The following PLA2G4C variants were observed in gnomAD, a reference collection of about 807,000 sequenced individuals.
The protein encoded by PLA2G4C is cytosolic phospholipase A2 gamma.
A neutral mutation model predicts 73.8 loss-of-function variants in PLA2G4C; 64 were observed. The ratio of observed to expected loss-of-function variants is 0.87; its 90% CI spans 0.71 to 1.07. The LOEUF (loss-of-function observed/expected upper bound fraction) is 1.07, where lower values mean the gene tolerates loss of function less well. PLA2G4C is among the 50% of genes least tolerant of loss of function. PLA2G4C has a pLI of 0.00. For missense variants in PLA2G4C, 622 were observed against 665.4 expected (o/e 0.93, Z 0.72); for synonymous variants, 254 against 252.1 (o/e 1.01, Z -0.07).
At chr19:48,081,573 C>G (rs1416245290) in intron 10 of PLA2G4C, among the ~76,000 whole-genome samples, 1 of 151,392 alleles carries the variant, frequency 6.6e-6, no homozygotes, top group Non-Finnish European at 1.5e-5. Flanking sequence ...GTCTGAGCAA[C>G]ATGGAGAAAC....
rs113156901 is a variant in PLA2G4C at position 48,080,671 on chromosome 19, C to T, written c.845-2847G>A. Among the ~76,000 whole-genome samples the T allele has an allele frequency of 5.3e-5, 8 of 151,836 alleles. 1 individual carries two copies. The highest frequency in any genetic ancestry group is 3.9e-4 in the East Asian group (2 of 5,148). On this transcript the variant is annotated intron_variant, in intron 10 of 16. Coordinates refer to ENST00000599921, the MANE Select transcript of PLA2G4C (RefSeq NM_003706.3). ...TAAAAATACAAAAATTAGCTGGATGCGGTGGTGCACATCTGTAGTCCCAGC... is the reference window on the plus strand; with the variant it reads ...TAAAAATACAAAAATTAGCTGGATGTGGTGGTGCACATCTGTAGTCCCAGC...
intron 10 of PLA2G4C, among the ~76,000 whole-genome samples, chr19:48,082,402 C>A (rs573695730): frequency 6.6e-6 from 1 of 151,448 alleles, no homozygotes; most frequent in Non-Finnish European, 1.5e-5. Context: ...TGATACACGT[C>A]GGTTAGGTCA....
intron 14 of PLA2G4C, among the ~76,000 whole-genome samples, chr19:48,058,594 G>A (rs1968050172): frequency 6.6e-6 from 1 of 152,100 alleles, no homozygotes; most frequent in South Asian, 2.1e-4. Flanking sequence ...GAGGTGGGCG[G>A]ATCACCTGAG....
chr19:48,053,878 A>G lies in PLA2G4C; in HGVS notation c.1430-731T>C, dbSNP rs958383662. Among the ~76,000 whole-genome samples, 4 of 152,258 alleles carry G rather than the reference A, an allele frequency of 2.6e-5. No homozygotes were observed. In the South Asian group the frequency reaches 8.3e-4, roughly 32 times the overall value. ...TGGCACAATCAGGCCCCGGAGGACC[A>G]CCCATCCTGGATGCTAGGCCTTCCA... On this transcript the variant is annotated intron_variant, in intron 15 of 16. Coordinates refer to ENST00000599921, the MANE Select transcript of PLA2G4C (RefSeq NM_003706.3).
At chr19:48,106,719 T>G in intron 1 of PLA2G4C, 158 bp from the exon 2 acceptor site, 1 of 608,600 alleles carries the variant, frequency 1.6e-6, no homozygotes, top group East Asian at 2.8e-5. Flanking sequence ...AGAGAGAGAG[T>G]TTAATAATCT....
chr19:48,101,121 T>C (rs1374992460), intron 4 of PLA2G4C, among the ~76,000 whole-genome samples: 4 of 61,280 alleles, frequency 6.5e-5, no homozygotes, highest in South Asian at 5.6e-4. Context: ...TATATATATA[T>C]ATATATTTTT....
rs1325874183 is a variant in PLA2G4C, at chr19:48,048,356, C to A, written c.1613G>T (p.Cys538Phe). Reference sequence around the variant, plus strand: ...GCTGAGGCTCATCTATGCCAAGCAGCAACTTCGGGCACTATCCTTCGGGTA... The same window carrying A: ...GCTGAGGCTCATCTATGCCAAGCAGAAACTTCGGGCACTATCCTTCGGGTA... Reference protein sequence around the residue: ...LYYPKDSARSCCLA With the variant: ...LYYPKDSARSFCLA The change falls in exon 17 of 17, where the codon TGC becomes TTC. Residue 538 changes from cysteine to phenylalanine, a missense_variant. Coordinates refer to ENST00000599921, the MANE Select transcript of PLA2G4C (RefSeq NM_003706.3). 1 of 1,598,426 alleles carries A rather than the reference C, an allele frequency of 6.3e-7. No homozygotes were observed. The highest frequency in any genetic ancestry group is 8.5e-7 in the Non-Finnish European group (1 of 1,174,864).
chr19:48,109,700 A>G (rs2032392376), intron 1 of PLA2G4C, among the ~76,000 whole-genome samples: 1 of 151,908 alleles, frequency 6.6e-6, no homozygotes, highest in East Asian at 1.9e-4. Flanking sequence ...CCTAGGCTGG[A>G]GTGCAGTGGC....
intron 10 of PLA2G4C, among the ~76,000 whole-genome samples, chr19:48,079,060 G>A (rs929899861): frequency 1.3e-5 from 2 of 151,980 alleles, no homozygotes; most frequent in African/African-American, 4.8e-5. Context: ...TAGAGATGGG[G>A]TTTCGCCATG....
intron 6 of PLA2G4C, 46 bp downstream of exon 6, chr19:48,098,093 T>C (rs251685): frequency 0.63 from 1,006,077 of 1,594,526 alleles, 319,611 homozygotes; most frequent in East Asian, 0.71. Flanking sequence ...CACTCCGTGC[T>C]GTTCCATCCC....
rs1253036713 is a variant in PLA2G4C, at chr19:48,053,685, T to C, written c.1430-538A>G. Reference sequence around the variant, plus strand: ...ACCGCGCCTGGCCCCCTGCTTCCTGTCTTCTTTACTACTCTAGCCTGCCTC... The same window carrying C: ...ACCGCGCCTGGCCCCCTGCTTCCTGCCTTCTTTACTACTCTAGCCTGCCTC... On this transcript the variant is annotated intron_variant, in intron 15 of 16. Transcript: ENST00000599921. 2.0e-5 allele frequency among the ~76,000 whole-genome samples: 3 copies of C among 152,270 alleles called. No homozygotes were observed. The East Asian group carries it at 5.8e-4, about 29-fold the overall frequency.
chr19:48,072,341 T>C lies in PLA2G4C; in HGVS notation c.1006+2426A>G, dbSNP rs543937434. 1 of 152,258 alleles carries C rather than the reference T, an allele frequency of 6.6e-6. No homozygotes were observed. Among genetic ancestry groups the C allele is most frequent in the East Asian group, 1.9e-4 (1 of 5,148 alleles). 9.4% of individuals were successfully genotyped at this position (152,258 alleles called of 1,614,324 possible). Reference sequence around the variant, plus strand: ...GGGACTACAGGTGCACGCACCACCATGGCCGGCTAGGATGCATGTTCTCAT... The same window carrying C: ...GGGACTACAGGTGCACGCACCACCACGGCCGGCTAGGATGCATGTTCTCAT... On this transcript the variant is annotated intron_variant, in intron 12 of 16. Coordinates refer to ENST00000599921, the MANE Select transcript of PLA2G4C (RefSeq NM_003706.3). The surrounding 1 kb of genome is among the most constrained non-coding windows in gnomAD (Gnocchi z 4.4).
intron 6 of PLA2G4C, among the ~76,000 whole-genome samples, chr19:48,097,429 T>C (rs2031653307): frequency 6.6e-6 from 1 of 150,938 alleles, no homozygotes; most frequent in African/African-American, 2.4e-5. Context: ...ATTTTTTGTA[T>C]TTTTAGTAGA....
chr19:48,109,993 C>A (rs1600278549), intron 1 of PLA2G4C, among the ~76,000 whole-genome samples: 1 of 149,424 alleles, frequency 6.7e-6, no homozygotes, highest in African/African-American at 2.4e-5. Context: ...CAAGAGGCTT[C>A]AGGAGAAACC....
intron 4 of PLA2G4C, among the ~76,000 whole-genome samples, chr19:48,103,215 A>G (rs941627632): frequency 6.6e-6 from 1 of 152,082 alleles, no homozygotes; most frequent in African/African-American, 2.4e-5. Context: ...AAGATTCCAG[A>G]AGAAATCATG....
Position 48,077,753 on chromosome 19 carries a change from G to A in PLA2G4C, c.898+18C>T. 1 of 1,590,258 alleles carries A rather than the reference G, an allele frequency of 6.3e-7. No individual in the cohort carries two copies. Among genetic ancestry groups the A allele is most frequent in the Non-Finnish European group, 8.6e-7 (1 of 1,163,094 alleles). Reference sequence around the variant, plus strand: ...TCCACACTATCATTAGGGATTCATGGCAAAGTAGGATGCTTACCTTCTGGG... The same window carrying A: ...TCCACACTATCATTAGGGATTCATGACAAAGTAGGATGCTTACCTTCTGGG... On this transcript the variant is annotated intron_variant, in intron 11 of 16. Coordinates refer to ENST00000599921, the MANE Select transcript of PLA2G4C (RefSeq NM_003706.3).
chr19:48,108,476 A>G (rs187789302), intron 1 of PLA2G4C, among the ~76,000 whole-genome samples: 161 of 152,268 alleles, frequency 1.1e-3, no homozygotes, highest in African/African-American at 3.6e-3. Flanking sequence ...GATATTATTT[A>G]TAGAAGTAGC....
intron 12 of PLA2G4C, among the ~76,000 whole-genome samples, chr19:48,073,250 A>G (rs1461827338): frequency 6.6e-6 from 1 of 151,626 alleles, no homozygotes; most frequent in East Asian, 1.9e-4. Context: ...GGGTCTTGCT[A>G]TGTTGCCCAA....
intron 11 of PLA2G4C, among the ~76,000 whole-genome samples, chr19:48,075,160 T>G (rs913479954): frequency 7.3e-6 from 1 of 136,690 alleles, no homozygotes; most frequent in East Asian, 2.2e-4. Flanking sequence ...TCCCATTTAT[T>G]TATTTATTTA....
Sources: allele counts gnomAD v4.1 joint callset (sites outside exome capture counted in the v4.1 genomes callset), GRCh38; gene constraint gnomAD v4.1.1; non-coding constraint Gnocchi (gnomAD v3.1); transcripts MANE v1.5; gene names NCBI Gene and HGNC (gene_info 2026-07-23, HGNC 2026-07-21).